Variants in CYLD observed in about 807,000 individuals in gnomAD.
The protein encoded by CYLD is ubiquitin carboxyl-terminal hydrolase CYLD.
A neutral mutation model predicts 104.5 loss-of-function variants in CYLD; 26 were observed. The observed-to-expected ratio is 0.25, with a 90% confidence interval of 0.18 to 0.35. The LOEUF (loss-of-function observed/expected upper bound fraction) is 0.35. Among genes scored for constraint, CYLD ranks in the 10% least tolerant of loss-of-function variants. The pLI, the probability that CYLD is intolerant of heterozygous loss-of-function variation, is 1.00. For missense variants in CYLD, 703 were observed against 1,136.1 expected (o/e 0.62, Z 5.48); for synonymous variants, 385 against 399.9 (o/e 0.96, Z 0.45).
At chr16:50,784,508 C>A (rs1263639844) in intron 12 of CYLD, 57 bp downstream of exon 12, 3 of 1,563,860 alleles carry the variant, frequency 1.9e-6, no homozygotes, top group Non-Finnish European at 2.6e-6. Context: ...TTGCTGTTTT[C>A]TGGTATAGTA....
At chr16:50,793,959 A>G (rs1971703722) in intron 17 of CYLD, among the ~76,000 whole-genome samples, 1 of 142,914 alleles carries the variant, frequency 7.0e-6, no homozygotes. Flanking sequence ...AGACTGAGAG[A>G]GACTAATGCC....
chr16:50,787,012 C>T, intron 13 of CYLD, 66 bp downstream of exon 13: 1 of 1,302,692 alleles, frequency 7.7e-7, no homozygotes, highest in Non-Finnish European at 1.1e-6. Context: ...AAAGTATTAG[C>T]TGAAATGTGT....
rs1398278508 is a variant in CYLD, at chr16:50,796,739, T to G, written c.*231T>G. On this transcript the variant is annotated 3_prime_UTR_variant, in exon 19 of 19. Transcript: ENST00000427738. The stretch of plus-strand genomic sequence containing the variant: ...ATGTTTGTGTTGGTTTTTTAAGAAG[T>G]CTAAATGAAGTTATTAATACCTGAA... 3.7e-6 allele frequency: 2 copies of G among 541,516 alleles called. No homozygotes were observed. The highest frequency in any genetic ancestry group is 6.7e-6 in the Non-Finnish European group (2 of 299,664). 33.5% of individuals were successfully genotyped at this position (541,516 alleles called of 1,614,324 possible).
At chr16:50,778,150 T>A in intron 8 of CYLD, 5 of 491,046 alleles carry the variant, frequency 1.0e-5, no homozygotes, top group Non-Finnish European at 1.5e-5. Flanking sequence ...TAGTAATTTG[T>A]TCTTTTCCTT....
chr16:50,777,674 A>C lies in CYLD; in HGVS notation c.1022-151A>C, dbSNP rs537668961. The stretch of plus-strand genomic sequence containing the variant: ...ATGGTTACCAAATTTTTAAAAGCTG[A>C]AGACAGTTAAAAAACATATTGTGTT... On this transcript the variant is annotated intron_variant, in intron 7 of 18. Coordinates refer to ENST00000427738, the MANE Select transcript of CYLD (RefSeq NM_001378743.1). 1.9e-5 allele frequency: 10 copies of C among 519,038 alleles called. No homozygotes were observed. The East Asian group carries it at 2.5e-4, about 13-fold the overall frequency. 32.2% of individuals were successfully genotyped at this position (519,038 alleles called of 1,614,324 possible).
chr16:50,793,422 G>A, intron 16 of CYLD, 124 bp from the exon 17 acceptor site: 1 of 787,760 alleles, frequency 1.3e-6, no homozygotes, highest in Non-Finnish European at 2.3e-6. Context: ...GGAAGAGAAA[G>A]AGACTTTTTT....
chr16:50,752,792 A>G (rs1966738571), intron 4 of CYLD, among the ~76,000 whole-genome samples: 1 of 152,134 alleles, frequency 6.6e-6, no homozygotes, highest in Admixed American at 6.5e-5. Context: ...TGTGTCACTT[A>G]TTTTTAATGT....
intron 5 of CYLD, among the ~76,000 whole-genome samples, chr16:50,771,471 T>C (rs909577779): frequency 6.6e-6 from 1 of 152,222 alleles, no homozygotes; most frequent in Non-Finnish European, 1.5e-5. Flanking sequence ...TGAACATTCA[T>C]ATACAAGTTA....
At chr16:50,754,902 T>A (rs183079424) in intron 5 of CYLD, among the ~76,000 whole-genome samples, 1 of 149,408 alleles carries the variant, frequency 6.7e-6, no homozygotes, top group African/African-American at 2.5e-5. Context: ...TATATACATA[T>A]ACACACATAT....
In CYLD at chr16:50,796,558, G is replaced by T. The variant is rs1442053657; in HGVS notation, c.*50G>T. 1.9e-6 allele frequency: 3 copies of T among 1,579,460 alleles called. No homozygotes were observed. The South Asian group carries it at 3.3e-5, about 17-fold the overall frequency. On this transcript the variant is annotated 3_prime_UTR_variant, in exon 19 of 19. Coordinates refer to ENST00000427738, the MANE Select transcript of CYLD (RefSeq NM_001378743.1). ...AAACTGAAGGCAGAGTCCTAACGTT[G>T]CATCTTATTCGAGCTGGCAGTTCTG...
At chr16:50,744,646 A>G (rs1370917663) in intron 2 of CYLD, 2 of 152,394 alleles carry the variant, frequency 1.3e-5, no homozygotes, top group African/African-American at 4.8e-5. Context: ...AGAATCAGAA[A>G]AACACTGCAT....
In CYLD at chr16:50,794,584, A is replaced by C; in HGVS notation, c.2686+156A>C. 5.2e-6 allele frequency: 4 copies of C among 764,100 alleles called. No individual in the cohort carries two copies. The South Asian group carries it at 5.7e-5, about 11-fold the overall frequency. The allele number at this position is 764,100 out of a possible 1,614,324, so 47.3% of individuals were successfully genotyped here. On this transcript the variant is annotated intron_variant, in intron 18 of 18. Coordinates refer to ENST00000427738, the MANE Select transcript of CYLD (RefSeq NM_001378743.1). The surrounding 1 kb of genome is among the most constrained non-coding windows in gnomAD (Gnocchi z 4.1). ...GTCTTATATCTTGGATTGCATTAAC[A>C]ACCTTGCTAGCTGAACTAAGGAATA... is the stretch of plus-strand genomic sequence containing the variant.
In CYLD at chr16:50,797,573, G is replaced by A. The variant is rs1005476605; in HGVS notation, c.*1065G>A. 1 of 232,554 alleles carries A rather than the reference G, an allele frequency of 4.3e-6. No homozygotes were observed. The allele number at this position is 232,554 out of a possible 1,614,324, so 14.4% of individuals were successfully genotyped here. On this transcript the variant is annotated 3_prime_UTR_variant, in exon 19 of 19. Coordinates refer to ENST00000427738, the MANE Select transcript of CYLD (RefSeq NM_001378743.1). ...AAAGTAAGTAGAAATGGGATGTTTTGTTTAATAACAGCCATAGTGTGTGTT... is the reference window on the plus strand; with the variant it reads ...AAAGTAAGTAGAAATGGGATGTTTTATTTAATAACAGCCATAGTGTGTGTT...
At chr16:50,757,004 C>T (rs1246918797) in intron 5 of CYLD, among the ~76,000 whole-genome samples, 5 of 152,136 alleles carry the variant, frequency 3.3e-5, no homozygotes, top group Non-Finnish European at 7.3e-5. Context: ...CACATGTATA[C>T]TTGGGAATAT....
chr16:50,747,960 C>T (rs1005543822), intron 2 of CYLD, among the ~76,000 whole-genome samples: 35 of 152,156 alleles, frequency 2.3e-4, no homozygotes, highest in Admixed American at 1.7e-3. Flanking sequence ...AGGAACGTTA[C>T]CATTATGGAA....
intron 5 of CYLD, among the ~76,000 whole-genome samples, chr16:50,773,336 A>G (rs1479731100): frequency 6.6e-6 from 1 of 152,190 alleles, no homozygotes; most frequent in Non-Finnish European, 1.5e-5. Flanking sequence ...GAATTTTATC[A>G]TTTAAATGCA....
In CYLD at chr16:50,782,577, C is replaced by G. The variant is rs1970337563; in HGVS notation, c.1826+111C>G. 2.6e-6 allele frequency: 3 copies of G among 1,147,082 alleles called. No homozygotes were observed. In the Admixed American group the frequency reaches 5.5e-5, roughly 21 times the overall value. 71.1% of individuals were successfully genotyped at this position (1,147,082 alleles called of 1,614,324 possible). A position where few individuals can be genotyped will look rare whatever the true frequency, so the allele number is the denominator to read the frequency against. ...GTGTGTGAAAGAAACTGCCATCTGCCTCTGAGTAGAGAAACTGGATGACTG... is the reference window on the plus strand; with the variant it reads ...GTGTGTGAAAGAAACTGCCATCTGCGTCTGAGTAGAGAAACTGGATGACTG... On this transcript the variant is annotated intron_variant, in intron 11 of 18. Transcript: ENST00000427738.
At chr16:50,755,029 ATAT>A (rs1966908304) in intron 5 of CYLD, among the ~76,000 whole-genome samples, 4 of 56,560 alleles carry the variant, frequency 7.1e-5, no homozygotes, top group Non-Finnish European at 1.3e-4. Context: ...ATATACATAT[ATAT>A]GTATATATAC....
chr16:50,762,856 C>CT (rs780758734), intron 5 of CYLD, among the ~76,000 whole-genome samples: 7 of 151,374 alleles, frequency 4.6e-5, no homozygotes, highest in African/African-American at 1.2e-4. Context: ...ATACAATTGA[C>CT]TTTTTTTTTA....
Sources: gnomAD v4.1 joint callset for allele counts (sites outside exome capture counted in the v4.1 genomes callset) on GRCh38, gnomAD v4.1.1 for gene constraint, Gnocchi (gnomAD v3.1) non-coding constraint, MANE v1.5 for transcripts, NCBI Gene and HGNC (gene_info 2026-07-23, HGNC 2026-07-21) for gene names.